BBS5: variants seen among roughly 807,000 people sequenced by gnomAD.
BBS5 encodes Bardet-Biedl syndrome 5.
BBS5 carries 39 observed loss-of-function variants against 50.2 expected under a neutral mutation model. The ratio of observed to expected loss-of-function variants is 0.78; its 90% CI spans 0.60 to 1.01. BBS5 has a LOEUF of 1.01. BBS5 is among the 50% of genes least tolerant of loss of function. The pLI, the probability that BBS5 is intolerant of heterozygous loss-of-function variation, is 0.00. For missense variants in BBS5, 356 were observed against 401.5 expected, an observed-to-expected ratio of 0.89 and a Z score of 0.97; for synonymous variants, 134 against 133.1, an observed-to-expected ratio of 1.01 and a Z score of -0.05.
At chr2:169,480,554 G>A (rs1191403356) in intron 1 of BBS5, among the ~76,000 whole-genome samples, 1 of 151,494 alleles carries the variant, frequency 6.6e-6, no homozygotes, top group East Asian at 1.9e-4. Context: ...GTTAAGTATA[G>A]CTAGATATCT....
At chr2:169,483,518 A>G (rs1683436780) in intron 2 of BBS5, among the ~76,000 whole-genome samples, 1 of 152,180 alleles carries the variant, frequency 6.6e-6, no homozygotes, top group Non-Finnish European at 1.5e-5. Flanking sequence ...ATAGATGGCA[A>G]GTAGGTATAG....
At chr2:169,481,499 G>T (rs75892132) in intron 1 of BBS5, among the ~76,000 whole-genome samples, 2,338 of 152,264 alleles carry the variant, frequency 0.015, 62 homozygotes, top group African/African-American at 0.053. Context: ...CAACTTCTAG[G>T]CAGCAGGAAG....
intron 9 of BBS5, among the ~76,000 whole-genome samples, chr2:169,501,276 C>T (rs920809763): frequency 6.6e-6 from 1 of 152,196 alleles, no homozygotes; most frequent in Admixed American, 6.5e-5. Flanking sequence ...TCTCATTTTA[C>T]ACTTTCAGTC....
chr2:169,485,357 G>T (rs1353948903), intron 2 of BBS5, among the ~76,000 whole-genome samples: 1 of 144,114 alleles, frequency 6.9e-6, no homozygotes, highest in Non-Finnish European at 1.6e-5. Context: ...AAAACAAAAA[G>T]TTTAAAGTAG....
rs1179382543 is a variant in BBS5, at chr2:169,506,307, A to T, written c.*1725A>T. On this transcript the variant is annotated 3_prime_UTR_variant, in exon 12 of 12. Transcript: ENST00000295240. Reference sequence around the variant, plus strand: ...CCACCCCGTCTGGGAGGTGTACCCAACAGCTCATTGAGAGCGGGCGATGAT... The same window carrying T: ...CCACCCCGTCTGGGAGGTGTACCCATCAGCTCATTGAGAGCGGGCGATGAT... The T allele has an allele frequency of 5.7e-6, 1 of 176,332 alleles. No individual in the cohort carries two copies. The highest frequency in any genetic ancestry group is 1.2e-5 in the Non-Finnish European group (1 of 86,400). The allele number at this position is 176,332 out of a possible 1,614,324, so 10.9% of individuals were successfully genotyped here.
chr2:169,479,718 G>A, intron 1 of BBS5, 106 bp downstream of exon 1: 2 of 1,277,416 alleles, frequency 1.6e-6, no homozygotes, highest in Non-Finnish European at 2.2e-6. Flanking sequence ...CGCGGCCCTG[G>A]TGAGGGTGGG....
intron 9 of BBS5, among the ~76,000 whole-genome samples, chr2:169,499,916 C>G (rs1683767107): frequency 6.6e-6 from 1 of 152,194 alleles, no homozygotes; most frequent in Non-Finnish European, 1.5e-5. Flanking sequence ...GAGTCTCTCA[C>G]TCTGTCAGAT....
At position 169,493,790 on chromosome 2, in the gene BBS5, C is replaced by A. The variant is rs1415049483; in HGVS notation, c.572C>A (p.Ala191Glu). The A allele has an allele frequency of 6.2e-6, 10 of 1,612,614 alleles. No homozygotes were observed. In the African/African-American group the frequency reaches 1.2e-4, roughly 19 times the overall value. Residue 191 changes from alanine to glutamate, a missense_variant, in exon 7 of 12, where the codon GCA (alanine) becomes GAA (glutamate). By Grantham distance (107) the Ala-to-Glu change is moderately radical. Transcript: ENST00000295240. ...ACCAATGTGAGAATTGTGTGGCATG[C>A]AAATATGAATGATAGTTTTAATGTC... ...FITNVRIVWH[A>E]NMNDSFNVSI...
intron 3 of BBS5, 46 bp from the exon 4 acceptor site, chr2:169,487,760 A>C: frequency 3.2e-5 from 44 of 1,390,280 alleles, no homozygotes; most frequent in Non-Finnish European, 4.0e-5. Context: ...ATTTTTTCTC[A>C]GTGTACCATA....
At chr2:169,490,854 TG>T (rs1320620509) in intron 5 of BBS5, among the ~76,000 whole-genome samples, 1 of 152,188 alleles carries the variant, frequency 6.6e-6, no homozygotes, top group Non-Finnish European at 1.5e-5. Context: ...TAACTTACTT[TG>T]TGTCTATATG....
chr2:169,499,679 A>C, intron 9 of BBS5, 59 bp downstream of exon 9: 1 of 1,509,478 alleles, frequency 6.6e-7, no homozygotes, highest in Non-Finnish European at 9.2e-7. Flanking sequence ...TATAAAATTC[A>C]GATGTAGATA....
chr2:169,488,030 G>A lies in BBS5; in HGVS notation c.302G>A (p.Cys101Tyr), dbSNP rs372644336. 1.9e-6 allele frequency: 3 copies of A among 1,613,506 alleles called. No individual in the cohort carries two copies. The highest frequency in any genetic ancestry group is 2.5e-6 in the Non-Finnish European group (3 of 1,179,660). Residue 101 changes from cysteine (C) to tyrosine (Y), a missense_variant, in exon 5 of 12, where the codon TGT becomes TAT. Cys to Tyr is a radical substitution (Grantham distance 194). Transcript: ENST00000295240. ...GAAGCTCTCTATATACTAACAAAATGTAACAGTACTCGTTTTGAATTTATA... is the reference window on the plus strand; with the variant it reads ...GAAGCTCTCTATATACTAACAAAATATAACAGTACTCGTTTTGAATTTATA... ...QTEALYILTK[C>Y]NSTRFEFIFT...
At chr2:169,499,986 G>T (rs1267281468) in intron 9 of BBS5, among the ~76,000 whole-genome samples, 1 of 152,104 alleles carries the variant, frequency 6.6e-6, no homozygotes. Context: ...CATGAATACC[G>T]TCTTCTGCCT....
rs115883668 is a variant in BBS5, at chr2:169,498,488, G to T, written c.681+799G>T. On this transcript the variant is annotated intron_variant, in intron 8 of 11. Coordinates refer to ENST00000295240, the MANE Select transcript of BBS5 (RefSeq NM_152384.3). Reference sequence around the variant, plus strand: ...GTTTATCTTATTTTATATGACAACTGGATAACCATTTTATGGTTAGAAAAT... The same window carrying T: ...GTTTATCTTATTTTATATGACAACTTGATAACCATTTTATGGTTAGAAAAT... Among the ~76,000 whole-genome samples, 1,333 of 152,108 alleles carry T rather than the reference G, an allele frequency of 8.8e-3. 26 individuals carry two copies. Among genetic ancestry groups the T allele is most frequent in the African/African-American group, 0.03 (1,257 of 41,500 alleles).
At position 169,504,506 on chromosome 2, in the gene BBS5, C is replaced by T. The variant is rs1559126732; in HGVS notation, c.950C>T (p.Ser317Leu). 9.9e-6 allele frequency: 16 copies of T among 1,613,942 alleles called. No individual in the cohort carries two copies. Among genetic ancestry groups the T allele is most frequent in the Non-Finnish European group, 1.3e-5 (15 of 1,179,932 alleles). ...NKQQDREPVF[S>L]EELGLAIEKL... ...CAACAAGATCGTGAACCTGTATTTT[C>T]AGAAGAACTGGGGCTTGCAATAGAG... The change falls in exon 12 of 12, where the codon TCA becomes TTA. Residue 317 changes from serine to leucine, a missense_variant. By Grantham distance (145) the Ser-to-Leu change is moderately radical (BLOSUM62 -2). Transcript: ENST00000295240.
Position 169,505,317 on chromosome 2 carries a change from C to A in BBS5, c.*735C>A. 2.7e-6 allele frequency: 1 copy of A among 371,370 alleles called. No individual in the cohort carries two copies. Among genetic ancestry groups the A allele is most frequent in the East Asian group, 7.3e-5 (1 of 13,678 alleles). 23.0% of individuals were successfully genotyped at this position (371,370 alleles called of 1,614,324 possible). On this transcript the variant is annotated 3_prime_UTR_variant, in exon 12 of 12. Transcript: ENST00000295240. ...TCTCCGCTCGCTACAACCTCCACCT[C>A]CCAGCTGCCTGCCTTGGCCTCCCGA...
chr2:169,496,032 T>C (rs1186023924), intron 7 of BBS5, among the ~76,000 whole-genome samples: 1 of 152,228 alleles, frequency 6.6e-6, no homozygotes, highest in Non-Finnish European at 1.5e-5. Context: ...GTAACAATTA[T>C]CATCAAAGCC....
At chr2:169,493,868 A>AC in intron 7 of BBS5, 32 bp downstream of exon 7, 3 of 1,395,780 alleles carry the variant, frequency 2.1e-6, no homozygotes, top group Non-Finnish European at 2.0e-6. Context: ...ACCTTATTTT[A>AC]ATGTAAAATA....
chr2:169,487,049 T>C lies in BBS5; in HGVS notation c.143-20T>C. 6.3e-7 allele frequency: 1 copy of C among 1,586,840 alleles called. No homozygotes were observed. Among genetic ancestry groups the C allele is most frequent in the Non-Finnish European group, 8.7e-7 (1 of 1,155,436 alleles). ...GGGTTCTTATTTAAGTTAACCTATT[T>C]TTTGTCTGTGTGCTTTTAGGTAGAC... On this transcript the variant is annotated intron_variant, in intron 2 of 11. Coordinates refer to ENST00000295240, the MANE Select transcript of BBS5 (RefSeq NM_152384.3).
Sources: gnomAD v4.1 joint callset for allele counts (sites outside exome capture counted in the v4.1 genomes callset) on GRCh38, gnomAD v4.1.1 for gene constraint, MANE v1.5 for transcripts, NCBI Gene and HGNC (gene_info 2026-07-23, HGNC 2026-07-21) for gene names.